The following NRP1 variants were observed in gnomAD, a reference collection of about 807,000 sequenced individuals.
The protein encoded by NRP1 is neuropilin-1.
Under a neutral mutation model 106.7 loss-of-function variants are expected in NRP1, and 35 were observed. The ratio of observed to expected loss-of-function variants is 0.33; its 90% confidence interval spans 0.25 to 0.43. The LOEUF (loss-of-function observed/expected upper bound fraction) is 0.43. Ranked by LOEUF, NRP1 falls within the 20% of genes least tolerant of loss-of-function variation. NRP1 has a pLI of 1.00. For missense variants in NRP1, 1,024 were observed against 1,170.4 expected, an observed-to-expected ratio of 0.87 and a Z score of 1.83; for synonymous variants, 437 against 417.9, an observed-to-expected ratio of 1.05 and a Z score of -0.56.
intron 4 of NRP1, among the ~76,000 whole-genome samples, chr10:33,257,303 G>A (rs1451277592): frequency 1.3e-5 from 2 of 152,138 alleles, no homozygotes; most frequent in Non-Finnish European, 2.9e-5. Flanking sequence ...GACTTGAGGA[G>A]GCGAATGATT....
At chr10:33,209,052 G>T (rs1027732501) in intron 9 of NRP1, among the ~76,000 whole-genome samples, 1 of 151,302 alleles carries the variant, frequency 6.6e-6, no homozygotes, top group Non-Finnish European at 1.5e-5. Context: ...GATTGCAGGT[G>T]CACACCAATA....
intron 15 of NRP1, 39 bp downstream of exon 15, chr10:33,185,589 G>A (rs372657083): frequency 6.8e-7 from 1 of 1,472,674 alleles, no homozygotes; most frequent in Non-Finnish European, 9.5e-7. Context: ...CTTGCCCTGG[G>A]CAAGCACTCC....
At chr10:33,281,984 A>G (rs1844168434) in intron 2 of NRP1, among the ~76,000 whole-genome samples, 1 of 152,250 alleles carries the variant, frequency 6.6e-6, no homozygotes, top group Non-Finnish European at 1.5e-5. Flanking sequence ...ACCAACTCTC[A>G]GAATATGACC....
At chr10:33,265,217 C>T (rs1842844260) in intron 3 of NRP1, among the ~76,000 whole-genome samples, 1 of 152,198 alleles carries the variant, frequency 6.6e-6, no homozygotes, top group African/African-American at 2.4e-5. Context: ...CCACCTGCTG[C>T]TATGATCTTC....
intron 5 of NRP1, 132 bp from the exon 6 acceptor site, chr10:33,254,326 T>C (rs184648983): frequency 1.4e-6 from 1 of 701,414 alleles, no homozygotes; most frequent in African/African-American, 1.8e-5. Context: ...AGGGACTTAT[T>C]GGAATATAGC....
At chr10:33,289,310 T>G (rs1281061493) in intron 2 of NRP1, among the ~76,000 whole-genome samples, 1 of 152,190 alleles carries the variant, frequency 6.6e-6, no homozygotes, top group Non-Finnish European at 1.5e-5. Flanking sequence ...GCATGCCAAA[T>G]ACTTAGGGGG....
intron 12 of NRP1, among the ~76,000 whole-genome samples, chr10:33,197,146 A>G (rs1836844974): frequency 6.6e-6 from 1 of 152,100 alleles, no homozygotes; most frequent in Non-Finnish European, 1.5e-5. Context: ...TGCTGTTCCC[A>G]AGGGTGTGCT....
chr10:33,179,039 C>T lies in NRP1; in HGVS notation c.*1037G>A, dbSNP rs920383139. 2 of 152,560 alleles carry T rather than the reference C, an allele frequency of 1.3e-5. No individual in the cohort carries two copies. Among genetic ancestry groups the T allele is most frequent in the African/African-American group, 2.4e-5 (1 of 41,432 alleles). 9.5% of individuals were successfully genotyped at this position (152,560 alleles called of 1,614,324 possible). The stretch of plus-strand genomic sequence containing the variant: ...GGAGAGAGAAAGAGAAGAGAGTTTA[C>T]ATTTGAAAATACATTCCATATGAAA... On this transcript the variant is annotated 3_prime_UTR_variant, in exon 17 of 17. Transcript: ENST00000374867.
chr10:33,315,017 A>G (rs748290031), intron 2 of NRP1, among the ~76,000 whole-genome samples: 3 of 152,234 alleles, frequency 2.0e-5, no homozygotes, highest in Non-Finnish European at 2.9e-5. Context: ...ATGTGAATAT[A>G]CAATAGACCA....
At chr10:33,299,232 G>GC (rs1052259252) in intron 2 of NRP1, among the ~76,000 whole-genome samples, 5 of 151,978 alleles carry the variant, frequency 3.3e-5, no homozygotes, top group Non-Finnish European at 7.4e-5. Flanking sequence ...AGCAGTCCCT[G>GC]CCCCCCTGAC....
At chr10:33,192,070 A>G (rs1263018643) in intron 13 of NRP1, among the ~76,000 whole-genome samples, 1 of 151,996 alleles carries the variant, frequency 6.6e-6, no homozygotes, top group African/African-American at 2.4e-5. Flanking sequence ...ATCAGTGGCC[A>G]ACTTCAAGGG....
intron 2 of NRP1, among the ~76,000 whole-genome samples, chr10:33,280,824 A>T (rs543874246): frequency 6.6e-6 from 1 of 152,166 alleles, no homozygotes; most frequent in South Asian, 2.1e-4. Context: ...TCTACCAAAA[A>T]TACAAAAATT....
chr10:33,310,049 G>C (rs1846465346), intron 2 of NRP1, among the ~76,000 whole-genome samples: 1 of 150,828 alleles, frequency 6.6e-6, no homozygotes, highest in African/African-American at 2.4e-5. Flanking sequence ...CCGGGTTCAC[G>C]CCATTCTCCT....
Position 33,221,833 on chromosome 10 carries a change from C to T in NRP1, c.1168G>A (p.Val390Ile), listed in dbSNP as rs745371202. The T allele has an allele frequency of 2.5e-6, 4 of 1,613,848 alleles. No individual in the cohort carries two copies. Among genetic ancestry groups the T allele is most frequent in the East Asian group, 4.5e-5 (2 of 44,854 alleles). The change falls in exon 8 of 17, where the codon GTT becomes ATT. Residue 390 changes from valine to isoleucine, a missense_variant. Coordinates refer to ENST00000374867, the MANE Select transcript of NRP1 (RefSeq NM_003873.7). Reference sequence around the variant, plus strand: ...GGTTTGGGGAATACTGCAACCACAACATCTGTGGGGTTGGTGTTTCCCTGA... The same window carrying T: ...GGTTTGGGGAATACTGCAACCACAATATCTGTGGGGTTGGTGTTTCCCTGA... The part of the protein sequence containing the change: ...LFQGNTNPTD[V>I]VVAVFPKPLI...
chr10:33,251,185 G>A (rs896866898), intron 6 of NRP1, among the ~76,000 whole-genome samples: 3 of 152,050 alleles, frequency 2.0e-5, no homozygotes, highest in Admixed American at 1.3e-4. Flanking sequence ...TTTATAAGAT[G>A]GTTTGGAAGT....
rs1564362155 is a variant in NRP1, at chr10:33,186,152, C to A, written c.2334+65G>T. The A allele has an allele frequency of 3.3e-6, 5 of 1,515,014 alleles. No individual in the cohort carries two copies. In the East Asian group the frequency reaches 6.8e-5, roughly 21 times the overall value. 93.8% of individuals were successfully genotyped at this position (1,515,014 alleles called of 1,614,324 possible). A position where few individuals can be genotyped will look rare whatever the true frequency, so the allele number is the denominator to read the frequency against. ...AATTCCCATGTCTCATTTGCACAGC[C>A]TCCAACATATCATCTCAGCATTCCT... is the stretch of plus-strand genomic sequence containing the variant. On this transcript the variant is annotated intron_variant, in intron 14 of 16. Transcript: ENST00000374867.
At chr10:33,288,429 G>T (rs1485840220) in intron 2 of NRP1, 2 of 152,448 alleles carry the variant, frequency 1.3e-5, no homozygotes, top group East Asian at 3.9e-4. Flanking sequence ...TTCACCCCTC[G>T]TTAGGCAAGC....
chr10:33,292,542 C>G (rs2132638821), intron 2 of NRP1, among the ~76,000 whole-genome samples: 1 of 152,116 alleles, frequency 6.6e-6, no homozygotes, highest in South Asian at 2.1e-4. Flanking sequence ...ATGTATAGAC[C>G]ACATGCTGAC....
At chr10:33,217,581 G>A (rs1255662801) in intron 8 of NRP1, among the ~76,000 whole-genome samples, 2 of 152,178 alleles carry the variant, frequency 1.3e-5, no homozygotes, top group African/African-American at 2.4e-5. Flanking sequence ...AGTGTTGCCA[G>A]ATTTAGCAAA....
Sources: gnomAD v4.1 joint callset for allele counts (sites outside exome capture counted in the v4.1 genomes callset) on GRCh38, gnomAD v4.1.1 for gene constraint, MANE v1.5 for transcripts, NCBI Gene and HGNC (gene_info 2026-07-23, HGNC 2026-07-21) for gene names.